Variants in MLLT3 observed in about 807,000 individuals in gnomAD.
The protein encoded by MLLT3 is protein AF-9.
A neutral mutation model predicts 53.2 loss-of-function variants in MLLT3; 4 were observed. That is an observed-to-expected ratio of 0.08 (90% CI 0.04 to 0.17). MLLT3 has a LOEUF of 0.17. Ranked by LOEUF, MLLT3 falls within the 10% of genes least tolerant of loss-of-function variation. The probability of loss-of-function intolerance (pLI) is 1.00; values close to 1 mark genes in which losing one functional copy is unlikely to be tolerated. For missense variants in MLLT3, 569 were observed against 684.0 expected (o/e 0.83, Z 1.87); for synonymous variants, 283 against 230.6 (o/e 1.23, Z -2.06).
intron 10 of MLLT3, among the ~76,000 whole-genome samples, chr9:20,352,035 C>T (rs897081987): frequency 1.3e-5 from 2 of 152,228 alleles, no homozygotes; most frequent in African/African-American, 4.8e-5. Flanking sequence ...CTCTAGAATA[C>T]TAAAATAATC....
intron 5 of MLLT3, among the ~76,000 whole-genome samples, chr9:20,387,868 G>C (rs1481859782): frequency 6.6e-6 from 1 of 152,124 alleles, no homozygotes. Flanking sequence ...CAAAAATTCA[G>C]GTATTTTAAA....
rs77133174 is a variant in MLLT3 at position 20,376,049 on chromosome 9, C to T, written c.1126-10305G>A. On this transcript the variant is annotated intron_variant, in intron 5 of 10. Coordinates refer to ENST00000380338, the MANE Select transcript of MLLT3 (RefSeq NM_004529.4). ...ATTTTATTTACCTTCAAGTGATCTA[C>T]GTTCTTTTCCTAACTCTTCAATATA... Among the ~76,000 whole-genome samples the T allele has an allele frequency of 9.9e-3, 1,505 of 152,236 alleles. 31 individuals carry two copies. Among genetic ancestry groups the T allele is most frequent in the African/African-American group, 0.034 (1,428 of 41,526 alleles).
At chr9:20,467,883 T>C (rs565020923) in intron 2 of MLLT3, among the ~76,000 whole-genome samples, 3 of 152,256 alleles carry the variant, frequency 2.0e-5, no homozygotes, top group African/African-American at 7.2e-5. Context: ...AATTGGCAGG[T>C]GTTTTCCTCA....
chr9:20,524,521 C>CT (rs1045069654), intron 2 of MLLT3, among the ~76,000 whole-genome samples: 3 of 150,262 alleles, frequency 2.0e-5, no homozygotes, highest in African/African-American at 5.0e-5. Flanking sequence ...CGAAAAATAA[C>CT]TTTTTTTAAA....
At chr9:20,400,095 A>C (rs184819312) in intron 5 of MLLT3, among the ~76,000 whole-genome samples, 141 of 152,250 alleles carry the variant, frequency 9.3e-4, no homozygotes, top group Admixed American at 3.9e-3. Flanking sequence ...AAAAGAATAT[A>C]ATCTACCCAT....
At chr9:20,412,306 G>A (rs576168024) in intron 5 of MLLT3, among the ~76,000 whole-genome samples, 19 of 152,232 alleles carry the variant, frequency 1.2e-4, no homozygotes, top group Middle Eastern at 3.4e-3. Context: ...ATAAATACTT[G>A]AGTTATTGGA....
At chr9:20,383,961 T>C (rs1821967468) in intron 5 of MLLT3, among the ~76,000 whole-genome samples, 1 of 151,998 alleles carries the variant, frequency 6.6e-6, no homozygotes, top group Non-Finnish European at 1.5e-5. Flanking sequence ...CCTGGTCAAG[T>C]AATATTTGAG....
intron 2 of MLLT3, among the ~76,000 whole-genome samples, chr9:20,522,650 G>T (rs1326201799): frequency 6.7e-6 from 1 of 149,196 alleles, no homozygotes; most frequent in African/African-American, 2.5e-5. Flanking sequence ...AAAGAGTAGA[G>T]AAGAAAATAA....
In MLLT3 at chr9:20,574,916, T is replaced by C. The variant is rs145916331; in HGVS notation, c.193+45738A>G. 3.7e-4 allele frequency among the ~76,000 whole-genome samples: 57 copies of C among 152,360 alleles called. No homozygotes were observed. In the East Asian group the frequency reaches 0.01, roughly 27 times the overall value. On this transcript the variant is annotated intron_variant, in intron 2 of 10. Coordinates refer to ENST00000380338, the MANE Select transcript of MLLT3 (RefSeq NM_004529.4). The stretch of plus-strand genomic sequence containing the variant: ...CCGTCACTTGATCAACCACGTTATA[T>C]GTAATGTTCTAAATCCTTTGTTGTC...
intron 2 of MLLT3, among the ~76,000 whole-genome samples, chr9:20,560,595 G>C (rs1563817767): frequency 6.6e-6 from 1 of 152,034 alleles, no homozygotes; most frequent in Non-Finnish European, 1.5e-5. Flanking sequence ...GTAGATATAG[G>C]GTGTGCCCGA....
intron 2 of MLLT3, among the ~76,000 whole-genome samples, chr9:20,474,095 T>C (rs1824462606): frequency 6.6e-6 from 1 of 152,108 alleles, no homozygotes; most frequent in Non-Finnish European, 1.5e-5. Flanking sequence ...AAGTGTCGGC[T>C]GGGAGTGTCT....
At chr9:20,607,465 T>A (rs919864392) in intron 2 of MLLT3, among the ~76,000 whole-genome samples, 1 of 152,078 alleles carries the variant, frequency 6.6e-6, no homozygotes, top group Non-Finnish European at 1.5e-5. Context: ...TAAGCAGAAA[T>A]TTGTCAGCAG....
At chr9:20,371,823 C>T (rs904548184) in intron 5 of MLLT3, among the ~76,000 whole-genome samples, 2 of 152,102 alleles carry the variant, frequency 1.3e-5, no homozygotes, top group Non-Finnish European at 1.5e-5. Context: ...TTTTGTAAGG[C>T]TATAGGTGCC....
chr9:20,456,677 A>C (rs1185345624), intron 3 of MLLT3, 27 bp downstream of exon 3: 1 of 1,517,300 alleles, frequency 6.6e-7, no homozygotes, highest in East Asian at 2.3e-5. Context: ...TCGTCTACTG[A>C]AAGATTAATG....
intron 2 of MLLT3, among the ~76,000 whole-genome samples, chr9:20,607,524 T>C (rs553074723): frequency 3.3e-5 from 5 of 152,158 alleles, no homozygotes; most frequent in East Asian, 1.9e-4. Context: ...TGCTGGCAAA[T>C]AGAATTTGAA....
rs1462723898 is a variant in MLLT3 at position 20,538,010 on chromosome 9, T to G, written c.194-81224A>C. Among the ~76,000 whole-genome samples the G allele has an allele frequency of 2.0e-5, 3 of 152,318 alleles. No homozygotes were observed. In the East Asian group the frequency reaches 5.8e-4, roughly 29 times the overall value. The stretch of plus-strand genomic sequence containing the variant: ...AAGGTTCATATAACTATTAAAAGAT[T>G]TGGAAACCTCCACTGACTTGAGAAG... On this transcript the variant is annotated intron_variant, in intron 2 of 10. Coordinates refer to ENST00000380338, the MANE Select transcript of MLLT3 (RefSeq NM_004529.4).
At chr9:20,443,524 TACAA>T (rs774605704) in intron 4 of MLLT3, among the ~76,000 whole-genome samples, 68 of 152,230 alleles carry the variant, frequency 4.5e-4, no homozygotes, top group Middle Eastern at 3.4e-3. Flanking sequence ...ACAAGCAAAA[TACAA>T]ACAGAGTGCC....
chr9:20,472,936 T>A (rs1368583007), intron 2 of MLLT3, among the ~76,000 whole-genome samples: 1 of 152,026 alleles, frequency 6.6e-6, no homozygotes, highest in East Asian at 1.9e-4. Flanking sequence ...GAAAGTTTCT[T>A]AGCTAAGAGT....
At chr9:20,572,279 C>A (rs1055529979) in intron 2 of MLLT3, among the ~76,000 whole-genome samples, 4 of 152,032 alleles carry the variant, frequency 2.6e-5, no homozygotes, top group Non-Finnish European at 1.5e-5. Flanking sequence ...GGAATAAGTT[C>A]TGGAGATCAA....
Sources: allele counts gnomAD v4.1 joint callset (sites outside exome capture counted in the v4.1 genomes callset), GRCh38; gene constraint gnomAD v4.1.1; transcripts MANE v1.5; gene names NCBI Gene and HGNC (gene_info 2026-07-23, HGNC 2026-07-21).